The following PRH1 variants were observed in gnomAD, a reference collection of about 807,000 sequenced individuals.
The protein encoded by PRH1 is proline rich protein HaeIII subfamily 1.
PRH1 carries 7 observed loss-of-function variants against 7.9 expected under a neutral mutation model. The observed-to-expected ratio is 0.89, with a 90% CI of 0.50 to 1.67. The LOEUF is 1.67. Among genes scored for constraint, PRH1 ranks in the 40% most tolerant of loss-of-function variants. The pLI, the probability that PRH1 is intolerant of heterozygous loss-of-function variation, is 0.00. For missense variants in PRH1, 109 were observed against 223.6 expected (o/e 0.49, Z 3.27); for synonymous variants, 45 against 80.8 (o/e 0.56, Z 2.38).
chr12:10,922,956 G>A (rs1424658041), intron 2 of PRH1, among the ~76,000 whole-genome samples: 4 of 148,676 alleles, frequency 2.7e-5, no homozygotes, highest in Admixed American at 1.4e-4. Context: ...AGCCTCCCGA[G>A]TAGCTGGGAC....
In PRH1 at chr12:10,939,135, T is replaced by C. The variant is rs550775618; in HGVS notation, c.-59+34520A>G. 3 of 1,601,430 alleles carry C rather than the reference T, an allele frequency of 1.9e-6. No homozygotes were observed. In the East Asian group the frequency reaches 6.7e-5, roughly 36 times the overall value. On this transcript the variant is annotated intron_variant, in intron 2 of 3. Transcript: ENST00000539853. ...ATACAGTTCACCAGTGCTATGAAAC[T>C]ATTTCCTAAATTTCCAATTATAAAT...
intron 2 of PRH1, among the ~76,000 whole-genome samples, chr12:10,968,549 T>C (rs941303431): frequency 2.0e-5 from 3 of 152,256 alleles, no homozygotes; most frequent in Non-Finnish European, 4.4e-5. Context: ...TCTCCTGGCT[T>C]TATGATTCTC....
chr12:11,060,789 G>C (rs1943563535), intron 1 of PRH1, among the ~76,000 whole-genome samples: 2 of 152,136 alleles, frequency 1.3e-5, no homozygotes, highest in South Asian at 4.1e-4. Context: ...CAATAATTCT[G>C]ATTGCTTTTT....
intron 2 of PRH1, among the ~76,000 whole-genome samples, chr12:10,958,270 C>T (rs1938073472): frequency 1.3e-5 from 2 of 152,014 alleles, no homozygotes; most frequent in Admixed American, 1.3e-4. Context: ...ATGGGTGGAG[C>T]TGGAGGCCAT....
intron 2 of PRH1, among the ~76,000 whole-genome samples, chr12:10,972,948 C>T (rs1005877497): frequency 6.9e-6 from 1 of 145,282 alleles, no homozygotes; most frequent in Non-Finnish European, 1.5e-5. Flanking sequence ...CCCGCCCGCC[C>T]ACACACACAC....
chr12:10,886,753 G>C (rs1949498316), upstream of PRH1, among the ~76,000 whole-genome samples: 1 of 152,258 alleles, frequency 6.6e-6, no homozygotes, highest in East Asian at 1.9e-4. Context: ...CTCGGTCACT[G>C]ACAGGTGTTT....
intron 1 of PRH1, among the ~76,000 whole-genome samples, chr12:11,072,048 G>C (rs76958907): frequency 6.6e-6 from 1 of 151,632 alleles, no homozygotes; most frequent in African/African-American, 2.4e-5. Context: ...CAACTGACTC[G>C]CATATTGTTT....
intron 1 of PRH1, among the ~76,000 whole-genome samples, chr12:11,127,960 G>GTTTTTGT (rs1173594809): frequency 5.9e-5 from 9 of 151,746 alleles, no homozygotes; most frequent in African/African-American, 1.9e-4. Flanking sequence ...CAAAACCAAA[G>GTTTTTGT]TTAGCCGGGC....
chr12:10,899,989 A>G (rs1241376619), intron 2 of PRH1, among the ~76,000 whole-genome samples: 3 of 152,216 alleles, frequency 2.0e-5, no homozygotes, highest in African/African-American at 7.2e-5. Context: ...CATATTTAAG[A>G]AGAAAAAAAT....
At chr12:11,016,742 T>C in intron 1 of PRH1, among the ~76,000 whole-genome samples, 1 of 152,182 alleles carries the variant, frequency 6.6e-6, no homozygotes, top group East Asian at 1.9e-4. Context: ...TTCTTGAATG[T>C]GTAATGGACA....
chr12:10,944,689 GTGGGTTTATCATAGA>G (rs1207108367), intron 2 of PRH1, among the ~76,000 whole-genome samples: 1 of 152,184 alleles, frequency 6.6e-6, no homozygotes, highest in Non-Finnish European at 1.5e-5. Context: ...GATGTTGGGT[GTGGGTTTATCATAGA>G]TGGCTCTTAT....
chr12:11,019,616 T>C (rs1026171220), intron 1 of PRH1, among the ~76,000 whole-genome samples: 2 of 152,286 alleles, frequency 1.3e-5, no homozygotes, highest in African/African-American at 4.8e-5. Context: ...AAATGCCTTT[T>C]TGTGTATATG....
intron 1 of PRH1, among the ~76,000 whole-genome samples, chr12:10,982,979 GTTT>G (rs1295153994): frequency 6.6e-6 from 1 of 152,200 alleles, no homozygotes; most frequent in Non-Finnish European, 1.5e-5. Flanking sequence ...CACTAAAGGA[GTTT>G]GCAAGGGCTG....
At chr12:10,995,170 T>C (rs920537359) in intron 1 of PRH1, among the ~76,000 whole-genome samples, 10 of 152,190 alleles carry the variant, frequency 6.6e-5, no homozygotes, top group Non-Finnish European at 1.5e-5. Flanking sequence ...ACCACCCCAA[T>C]ATAGTTCATA....
At chr12:10,909,135 C>T (rs774703957) in intron 2 of PRH1, 3 of 1,613,906 alleles carry the variant, frequency 1.9e-6, no homozygotes, top group Non-Finnish European at 2.5e-6. Context: ...CAGCCCAATT[C>T]TGGAGATTGC....
At chr12:10,974,341 A>G (rs941867565) in intron 1 of PRH1, among the ~76,000 whole-genome samples, 3 of 152,178 alleles carry the variant, frequency 2.0e-5, no homozygotes, top group African/African-American at 7.2e-5. Flanking sequence ...GATGAGCCAC[A>G]ATGCCACTGC....
At chr12:10,955,046 TA>T (rs1197481344) in intron 2 of PRH1, among the ~76,000 whole-genome samples, 1 of 152,118 alleles carries the variant, frequency 6.6e-6, no homozygotes, top group Non-Finnish European at 1.5e-5. Flanking sequence ...CTAACAAAGT[TA>T]TTCAGGACCT....
chr12:11,036,172 C>T (rs1005916042), intron 1 of PRH1, among the ~76,000 whole-genome samples: 3 of 151,846 alleles, frequency 2.0e-5, no homozygotes, highest in African/African-American at 7.2e-5. Flanking sequence ...GGATTACAGG[C>T]GTGAGCCACC....
Position 11,030,560 on chromosome 12 carries a change from G to C in PRH1, c.-126+16460C>G, listed in dbSNP as rs184772091. 3.1e-6 allele frequency: 5 copies of C among 1,614,056 alleles called. No homozygotes were observed. In the African/African-American group the frequency reaches 6.7e-5, roughly 22 times the overall value. ...AATAGCTTTGCAGAACATGAAGACA[G>C]GTTTGTTTTCCAGACTCCCAAAACT... On this transcript the variant is annotated intron_variant, in intron 1 of 3. Coordinates refer to the PRH1 transcript ENST00000539853.
Sources: gnomAD v4.1 joint callset for allele counts (sites outside exome capture counted in the v4.1 genomes callset) on GRCh38, gnomAD v4.1.1 for gene constraint, MANE v1.5 for transcripts, NCBI Gene and HGNC (gene_info 2026-07-23, HGNC 2026-07-21) for gene names.